The following PHF2 variants were observed in gnomAD, a reference collection of about 807,000 sequenced individuals.
The protein encoded by PHF2 is PHD finger protein 2.
In PHF2, 27 loss-of-function variants were observed where a neutral mutation model predicts 120.5. That is an observed-to-expected ratio of 0.22 (90% CI 0.17 to 0.31). PHF2 has a LOEUF of 0.31. PHF2 is among the 10% of genes least tolerant of loss of function. The probability of loss-of-function intolerance (pLI) is 1.00; values close to 1 mark genes in which losing one functional copy is unlikely to be tolerated. For synonymous variants in PHF2, 568 were observed against 592.5 expected, an observed-to-expected ratio of 0.96 and a Z score of 0.60; for missense variants, 1,024 against 1,434.8, an observed-to-expected ratio of 0.71 and a Z score of 4.63.
intron 1 of PHF2, among the ~76,000 whole-genome samples, chr9:93,618,780 G>C (rs1477209594): frequency 8.2e-6 from 1 of 121,514 alleles, no homozygotes; most frequent in Non-Finnish European, 1.8e-5. Context: ...GCATGTGTTT[G>C]TGTTTGTATC....
chr9:93,620,891 C>T (rs913264101), intron 1 of PHF2, among the ~76,000 whole-genome samples: 4 of 152,248 alleles, frequency 2.6e-5, no homozygotes, highest in South Asian at 2.1e-4. Flanking sequence ...TGCCCAGTGT[C>T]GGCAAACAGT....
intron 1 of PHF2, among the ~76,000 whole-genome samples, chr9:93,578,871 G>C (rs1239774411): frequency 2.0e-5 from 3 of 152,166 alleles, no homozygotes; most frequent in African/African-American, 7.2e-5. Flanking sequence ...TCCAATACAG[G>C]CAGTTGATCA....
At chr9:93,637,819 A>T (rs1391190860) in intron 3 of PHF2, among the ~76,000 whole-genome samples, 1 of 152,214 alleles carries the variant, frequency 6.6e-6, no homozygotes, top group Non-Finnish European at 1.5e-5. Flanking sequence ...TTGCTGGGTC[A>T]TATGGTAACT....
At chr9:93,580,225 C>G (rs576428914) in intron 1 of PHF2, among the ~76,000 whole-genome samples, 2 of 152,310 alleles carry the variant, frequency 1.3e-5, no homozygotes, top group African/African-American at 4.8e-5. Flanking sequence ...CTGGCACCGA[C>G]TGGAGTGCTG....
At chr9:93,633,082 C>T (rs1244086635) in intron 2 of PHF2, among the ~76,000 whole-genome samples, 3 of 152,198 alleles carry the variant, frequency 2.0e-5, no homozygotes, top group Admixed American at 6.5e-5. Context: ...AACCTGCCTC[C>T]ACCTGTCCTG....
chr9:93,598,358 A>G (rs1825371769), intron 1 of PHF2, among the ~76,000 whole-genome samples: 1 of 152,126 alleles, frequency 6.6e-6, no homozygotes, highest in Non-Finnish European at 1.5e-5. Context: ...TATCATCAGG[A>G]CCTTGGTTCT....
chr9:93,580,571 C>T (rs965799027), intron 1 of PHF2, among the ~76,000 whole-genome samples: 1 of 152,170 alleles, frequency 6.6e-6, no homozygotes, highest in Non-Finnish European at 1.5e-5. Context: ...CTCTGGGAAG[C>T]AGGAATGCTT....
chr9:93,629,187 C>T (rs1825958740), intron 1 of PHF2, among the ~76,000 whole-genome samples: 1 of 152,138 alleles, frequency 6.6e-6, no homozygotes, highest in Admixed American at 6.5e-5. Context: ...AGACATGAGC[C>T]ACCGTGCCTG....
intron 1 of PHF2, among the ~76,000 whole-genome samples, chr9:93,601,703 A>T (rs555390556): frequency 6.6e-6 from 1 of 152,026 alleles, no homozygotes; most frequent in African/African-American, 2.4e-5. Context: ...CAGAGCCCCT[A>T]TGAATCTCGT....
chr9:93,577,056 G>C (rs1363364361), intron 1 of PHF2, among the ~76,000 whole-genome samples, 185 bp downstream of exon 1: 1 of 146,278 alleles, frequency 6.8e-6, no homozygotes, highest in Non-Finnish European at 1.5e-5. Context: ...TTTGTGCCCA[G>C]GGCGGGGGCG....
rs201272131 is a variant in PHF2, at chr9:93,673,798, C to T, written c.2562C>T (p.Val854=). Residue 854 remains valine (V), a synonymous_variant, in exon 18 of 22, where the codon GTC becomes GTT. Coordinates refer to ENST00000359246, the MANE Select transcript of PHF2 (RefSeq NM_005392.4). ...TGAAGAGGGCTGCCAAGAACAGTGT[C>T]GACCTGGACGACTACGAGGAAGAGC... is the stretch of plus-strand genomic sequence containing the variant. ...RLLKRAAKNS[V]DLDDYEEEQD... 21 of 1,612,124 alleles carry T rather than the reference C, an allele frequency of 1.3e-5. No homozygotes were observed. In the East Asian group the frequency reaches 3.1e-4, roughly 24 times the overall value.
intron 20 of PHF2, 75 bp downstream of exon 20, chr9:93,675,864 G>A: frequency 1.8e-6 from 2 of 1,137,964 alleles, no homozygotes; most frequent in South Asian, 2.6e-5. Flanking sequence ...GTTCCCCAAG[G>A]CACCTGTTTC....
At chr9:93,608,883 T>C (rs1028845577) in intron 1 of PHF2, among the ~76,000 whole-genome samples, 1 of 152,072 alleles carries the variant, frequency 6.6e-6, no homozygotes, top group Non-Finnish European at 1.5e-5. Flanking sequence ...TTTAGGACCA[T>C]TGATATTTAA....
intron 5 of PHF2, among the ~76,000 whole-genome samples, chr9:93,649,628 A>G (rs987883412): frequency 6.6e-6 from 1 of 151,568 alleles, no homozygotes; most frequent in African/African-American, 2.4e-5. Flanking sequence ...CGGACACACA[A>G]CATTCACGCT....
intron 1 of PHF2, among the ~76,000 whole-genome samples, chr9:93,596,916 G>T (rs377469831): frequency 1.1e-4 from 16 of 140,746 alleles, no homozygotes; most frequent in Non-Finnish European, 1.5e-4. Context: ...GCGCCAGCAC[G>T]CCCAGCTAAT....
rs1205422388 is a variant in PHF2 at position 93,603,598 on chromosome 9, C to T, written c.99-26372C>T. Among the ~76,000 whole-genome samples the T allele has an allele frequency of 3.3e-5, 5 of 152,118 alleles. 1 individual carries two copies. The East Asian group carries it at 9.7e-4, about 29-fold the overall frequency. On this transcript the variant is annotated intron_variant, in intron 1 of 21. Transcript: ENST00000359246. The stretch of plus-strand genomic sequence containing the variant: ...TGGAACATTCACCCACGATGCAGAC[C>T]TTATGGGGCCTGGGACACCCGTCAT...
intron 1 of PHF2, among the ~76,000 whole-genome samples, chr9:93,594,042 G>T (rs914646790): frequency 6.6e-6 from 1 of 152,194 alleles, no homozygotes; most frequent in African/African-American, 2.4e-5. Flanking sequence ...ATGGACTGTG[G>T]GTTTTATAGA....
chr9:93,594,194 CCCCT>C (rs1287618835), intron 1 of PHF2, among the ~76,000 whole-genome samples: 1 of 151,404 alleles, frequency 6.6e-6, no homozygotes, highest in African/African-American at 2.4e-5. Context: ...TGACCCCCCC[CCCCT>C]CCATTAATGC....
chr9:93,659,419 T>G, intron 10 of PHF2, 92 bp from the exon 11 acceptor site: 1 of 1,021,348 alleles, frequency 9.8e-7, no homozygotes, highest in Non-Finnish European at 1.5e-6. Flanking sequence ...TCTGAGTGGC[T>G]CGGCAGTCAG....
Sources: gnomAD v4.1 joint callset for allele counts (sites outside exome capture counted in the v4.1 genomes callset) on GRCh38, gnomAD v4.1.1 for gene constraint, MANE v1.5 for transcripts, NCBI Gene and HGNC (gene_info 2026-07-23, HGNC 2026-07-21) for gene names.